Variants in FOXP2 observed in about 807,000 individuals in gnomAD.
FOXP2 encodes forkhead box P2.
FOXP2 carries 12 observed loss-of-function variants against 115.8 expected under a neutral mutation model. That is an observed-to-expected ratio of 0.10 (90% CI 0.07 to 0.17). The LOEUF (loss-of-function observed/expected upper bound fraction) is 0.17, where lower values mean the gene tolerates loss of function less well. Among genes scored for constraint, FOXP2 ranks in the 10% least tolerant of loss-of-function variants. The pLI, the probability that FOXP2 is intolerant of heterozygous loss-of-function variation, is 1.00. For missense variants in FOXP2, 629 were observed against 843.5 expected (o/e 0.75, Z 3.15); for synonymous variants, 328 against 297.7 (o/e 1.10, Z -1.05).
At chr7:114,116,775 G>A (rs2129142987) in intron 1 of FOXP2, among the ~76,000 whole-genome samples, 1 of 152,148 alleles carries the variant, frequency 6.6e-6, no homozygotes, top group East Asian at 1.9e-4. Context: ...AAAGTGAATA[G>A]AGGAGATGTG....
At chr7:114,680,714 C>T (rs945357908) in intron 16 of FOXP2, among the ~76,000 whole-genome samples, 2 of 150,484 alleles carry the variant, frequency 1.3e-5, no homozygotes. Flanking sequence ...CACTGCACTC[C>T]AGCCTGGGCA....
At chr7:114,477,219 T>C (rs1014801609) in intron 2 of FOXP2, among the ~76,000 whole-genome samples, 1 of 152,000 alleles carries the variant, frequency 6.6e-6, no homozygotes, top group African/African-American at 2.4e-5. Context: ...ATGTTCATTG[T>C]TACGCTATTC....
At chr7:114,235,411 A>T (rs1351351593) in intron 1 of FOXP2, among the ~76,000 whole-genome samples, 1 of 152,122 alleles carries the variant, frequency 6.6e-6, no homozygotes, top group Non-Finnish European at 1.5e-5. Context: ...CTTAAAAAAA[A>T]GGAAAAACAC....
At chr7:114,223,505 T>C (rs1361411980) in intron 1 of FOXP2, among the ~76,000 whole-genome samples, 1 of 147,502 alleles carries the variant, frequency 6.8e-6, no homozygotes, top group African/African-American at 2.5e-5. Context: ...ATATATTATA[T>C]ATAATATATA....
chr7:114,213,708 AT>A (rs1242120518), intron 1 of FOXP2, among the ~76,000 whole-genome samples: 3 of 152,152 alleles, frequency 2.0e-5, no homozygotes, highest in African/African-American at 7.2e-5. Flanking sequence ...AAGCCATTTT[AT>A]TTATTTAGAC....
chr7:114,507,510 A>G (rs867459135), intron 2 of FOXP2, among the ~76,000 whole-genome samples: 1 of 152,040 alleles, frequency 6.6e-6, no homozygotes, highest in East Asian at 1.9e-4. Flanking sequence ...ATGAGATGTT[A>G]AAAACTGAGA....
intron 3 of FOXP2, among the ~76,000 whole-genome samples, chr7:114,584,925 T>C (rs986206444): frequency 6.6e-6 from 1 of 152,238 alleles, no homozygotes; most frequent in Admixed American, 6.5e-5. Flanking sequence ...TCTAGCACAA[T>C]GTCTGGCACA....
chr7:114,520,766 A>T (rs544843444), intron 2 of FOXP2, among the ~76,000 whole-genome samples: 16 of 152,232 alleles, frequency 1.1e-4, no homozygotes, highest in African/African-American at 3.8e-4. Flanking sequence ...AAAATACTAA[A>T]AAAAGAATGA....
At chr7:114,173,748 C>T (rs781132343) in intron 1 of FOXP2, among the ~76,000 whole-genome samples, 2 of 151,816 alleles carry the variant, frequency 1.3e-5, no homozygotes, top group Non-Finnish European at 2.9e-5. Flanking sequence ...TTTTCCTTTG[C>T]CATATTGAAA....
At chr7:114,395,390 G>A (rs1792712353) in intron 2 of FOXP2, among the ~76,000 whole-genome samples, 1 of 152,116 alleles carries the variant, frequency 6.6e-6, no homozygotes. Context: ...AAAAAGACAG[G>A]AGCATAAGCT....
At chr7:114,534,222 C>G (rs900559866) in intron 2 of FOXP2, among the ~76,000 whole-genome samples, 1 of 151,802 alleles carries the variant, frequency 6.6e-6, no homozygotes, top group African/African-American at 2.4e-5. Flanking sequence ...TCCGGTAACA[C>G]TTGAAGTCTA....
intron 2 of FOXP2, among the ~76,000 whole-genome samples, chr7:114,289,323 C>T (rs369617042): frequency 6.6e-6 from 1 of 151,746 alleles, no homozygotes. Context: ...GAAACAAAGA[C>T]AAGTAATTAA....
intron 2 of FOXP2, among the ~76,000 whole-genome samples, chr7:114,330,876 A>G (rs1323515249): frequency 6.6e-6 from 1 of 152,152 alleles, no homozygotes; most frequent in African/African-American, 2.4e-5. Flanking sequence ...ACTGTTTATA[A>G]CAACAACTGG....
intron 2 of FOXP2, among the ~76,000 whole-genome samples, chr7:114,364,480 A>G (rs1584668133): frequency 6.6e-6 from 1 of 152,294 alleles, no homozygotes. Flanking sequence ...ATGCCTTCCT[A>G]ATGGACAACA....
At chr7:114,096,214 A>AGCAG (rs1368736059) in intron 1 of FOXP2, among the ~76,000 whole-genome samples, 1 of 152,214 alleles carries the variant, frequency 6.6e-6, no homozygotes, top group African/African-American at 2.4e-5. Flanking sequence ...GGTAGTTTTT[A>AGCAG]GCAGTGATGT....
chr7:114,659,918 C>T (rs1006409474), intron 13 of FOXP2, among the ~76,000 whole-genome samples: 5 of 152,188 alleles, frequency 3.3e-5, no homozygotes, highest in Admixed American at 1.3e-4. Context: ...GCCTGACACA[C>T]TAATTACAGT....
intron 3 of FOXP2, among the ~76,000 whole-genome samples, chr7:114,582,690 T>A (rs75468931): frequency 0.028 from 4,327 of 152,282 alleles, 203 homozygotes; most frequent in African/African-American, 0.096. Context: ...CTGAACTTTT[T>A]AAATAATTGG....
chr7:114,207,647 A>T (rs931601252), intron 1 of FOXP2, among the ~76,000 whole-genome samples: 2 of 152,188 alleles, frequency 1.3e-5, no homozygotes, highest in Non-Finnish European at 1.5e-5. Flanking sequence ...TAATTAATTA[A>T]TTTCTTCCCA....
intron 2 of FOXP2, 107 bp from the exon 3 acceptor site, chr7:114,534,510 G>A (rs1799285172): frequency 2.2e-6 from 2 of 913,632 alleles, no homozygotes; most frequent in Non-Finnish European, 3.7e-6. Flanking sequence ...CTCTAGAAAG[G>A]AATATGGGAG....
Sources: gnomAD v4.1 joint callset for allele counts (sites outside exome capture counted in the v4.1 genomes callset) on GRCh38, gnomAD v4.1.1 for gene constraint, MANE v1.5 for transcripts, NCBI Gene and HGNC (gene_info 2026-07-23, HGNC 2026-07-21) for gene names.